Variants in NOS1AP observed in about 807,000 individuals in gnomAD.
The protein encoded by NOS1AP is nitric oxide synthase 1 adaptor protein.
NOS1AP carries 21 observed loss-of-function variants against 56.2 expected under a neutral mutation model. That is an observed-to-expected ratio of 0.37 (90% CI 0.26 to 0.54). The LOEUF (loss-of-function observed/expected upper bound fraction) is 0.54, where lower values mean the gene tolerates loss of function less well. Ranked by LOEUF, NOS1AP falls within the 20% of genes least tolerant of loss-of-function variation. The pLI, the probability that NOS1AP is intolerant of heterozygous loss-of-function variation, is 0.84. For synonymous variants in NOS1AP, 270 were observed against 274.6 expected (o/e 0.98, Z 0.17); for missense variants, 522 against 657.8 (o/e 0.79, Z 2.26).
chr1:162,077,374 A>G (rs1271524365), intron 1 of NOS1AP, among the ~76,000 whole-genome samples: 2 of 151,944 alleles, frequency 1.3e-5, no homozygotes, highest in African/African-American at 4.8e-5. Context: ...CCATCTTTTC[A>G]TGTGTTTTTT....
intron 3 of NOS1AP, among the ~76,000 whole-genome samples, chr1:162,296,467 G>A (rs1446625658): frequency 6.6e-6 from 1 of 152,160 alleles, no homozygotes; most frequent in Non-Finnish European, 1.5e-5. Flanking sequence ...ATTTTAATGA[G>A]CTCTTCAGAA....
intron 4 of NOS1AP, among the ~76,000 whole-genome samples, chr1:162,328,949 T>A (rs570487494): frequency 2.0e-5 from 3 of 152,204 alleles, no homozygotes; most frequent in Non-Finnish European, 4.4e-5. Flanking sequence ...GTTGTTGTTT[T>A]TCTATGATCT....
intron 2 of NOS1AP, among the ~76,000 whole-genome samples, chr1:162,272,344 G>A (rs912466017): frequency 6.6e-6 from 1 of 152,088 alleles, no homozygotes; most frequent in Admixed American, 6.6e-5. Context: ...TGGAGAACAG[G>A]ATGGGAATCC....
chr1:162,307,674 G>C (rs367787108), intron 4 of NOS1AP, among the ~76,000 whole-genome samples: 2 of 152,168 alleles, frequency 1.3e-5, no homozygotes, highest in South Asian at 4.1e-4. Context: ...AGCCAGGCGT[G>C]GTGGTGGGTG....
intron 4 of NOS1AP, among the ~76,000 whole-genome samples, chr1:162,329,131 G>A (rs1656684467): frequency 6.6e-6 from 1 of 152,134 alleles, no homozygotes; most frequent in Non-Finnish European, 1.5e-5. Context: ...GTAAGTCTGT[G>A]GACATATGAT....
At chr1:162,255,490 ATTTTTTTTTTTTTTTTTTTT>A (rs35637289) in intron 2 of NOS1AP, among the ~76,000 whole-genome samples, 22 of 61,004 alleles carry the variant, frequency 3.6e-4, no homozygotes, top group African/African-American at 6.0e-4. Context: ...GCTGCTGCTG[ATTTTTTTTTTTTTTTTTTTT>A]TTTTTTTTTT....
chr1:162,286,804 T>G (rs2101737012), intron 2 of NOS1AP, among the ~76,000 whole-genome samples: 1 of 152,366 alleles, frequency 6.6e-6, no homozygotes, highest in African/African-American at 2.4e-5. Flanking sequence ...TGCCAAAATC[T>G]TCAGGCTAGC....
At chr1:162,183,197 T>C (rs1651320041) in intron 2 of NOS1AP, among the ~76,000 whole-genome samples, 1 of 152,238 alleles carries the variant, frequency 6.6e-6, no homozygotes, top group African/African-American at 2.4e-5. Flanking sequence ...AGATCTTGGG[T>C]AACCAGGTGC....
At chr1:162,096,214 C>G (rs1242378497) in intron 1 of NOS1AP, among the ~76,000 whole-genome samples, 2 of 152,304 alleles carry the variant, frequency 1.3e-5, no homozygotes, top group African/African-American at 4.8e-5. Flanking sequence ...GTTCTTTCCT[C>G]TGCAGTGTCT....
intron 1 of NOS1AP, among the ~76,000 whole-genome samples, chr1:162,099,999 A>C (rs1481963057): frequency 6.6e-6 from 1 of 151,294 alleles, no homozygotes; most frequent in Non-Finnish European, 1.5e-5. Context: ...TCCATGGTGT[A>C]TATGTGCCAC....
At chr1:162,326,073 A>G (rs1656581814) in intron 4 of NOS1AP, among the ~76,000 whole-genome samples, 2 of 152,228 alleles carry the variant, frequency 1.3e-5, no homozygotes, top group Admixed American at 1.3e-4. Context: ...ATCACCCTGA[A>G]AGATGTTTTT....
chr1:162,224,844 A>G lies in NOS1AP; in HGVS notation c.178-62500A>G, dbSNP rs529714339. On this transcript the variant is annotated intron_variant, in intron 2 of 9. Transcript: ENST00000361897. ...GATGTTGTTTCCAGGATGAGACCCC[A>G]TGTCCTGAGGGTCACTGCCTTATCA... Among the ~76,000 whole-genome samples, 13 of 152,264 alleles carry G rather than the reference A, an allele frequency of 8.5e-5. No individual in the cohort carries two copies. In the East Asian group the frequency reaches 2.5e-3, roughly 29 times the overall value.
At chr1:162,181,541 G>C (rs1311494020) in intron 2 of NOS1AP, among the ~76,000 whole-genome samples, 1 of 152,180 alleles carries the variant, frequency 6.6e-6, no homozygotes, top group Non-Finnish European at 1.5e-5. Flanking sequence ...AATTCTGTCA[G>C]CTCTTATTTT....
rs150435684 is a variant in NOS1AP, at chr1:162,277,820, A to C, written c.178-9524A>C. ...CAAGGGATTTAGGGACCACTTCCTT[A>C]TTCTGCTTCTCAGTCTATATAGTGA... On this transcript the variant is annotated intron_variant, in intron 2 of 9. Transcript: ENST00000361897. Among the ~76,000 whole-genome samples, 290 of 152,284 alleles carry C rather than the reference A, an allele frequency of 1.9e-3. 1 individual carries two copies. Among genetic ancestry groups the C allele is most frequent in the African/African-American group, 6.5e-3 (270 of 41,550 alleles).
chr1:162,215,762 G>A (rs1424103070), intron 2 of NOS1AP, among the ~76,000 whole-genome samples: 1 of 152,208 alleles, frequency 6.6e-6, no homozygotes, highest in Non-Finnish European at 1.5e-5. Context: ...TTAGGCTCAA[G>A]CCAGGACTGT....
chr1:162,128,292 A>G (rs1013522703), intron 1 of NOS1AP, among the ~76,000 whole-genome samples: 3 of 152,178 alleles, frequency 2.0e-5, no homozygotes, highest in South Asian at 4.1e-4. Context: ...CCACTAAATG[A>G]AAATACACGT....
chr1:162,204,575 G>C (rs192799687), intron 2 of NOS1AP, among the ~76,000 whole-genome samples: 41 of 152,270 alleles, frequency 2.7e-4, no homozygotes, highest in African/African-American at 8.4e-4. Context: ...CTGGGAAGAG[G>C]GTGTTCTGTG....
intron 1 of NOS1AP, among the ~76,000 whole-genome samples, chr1:162,152,522 G>T (rs1649759506): frequency 6.6e-6 from 1 of 152,244 alleles, no homozygotes; most frequent in Non-Finnish European, 1.5e-5. Flanking sequence ...TACCGCCTCA[G>T]CAGAGCTCAG....
intron 1 of NOS1AP, among the ~76,000 whole-genome samples, chr1:162,114,834 T>C (rs1274885678): frequency 6.6e-6 from 1 of 152,224 alleles, no homozygotes; most frequent in Non-Finnish European, 1.5e-5. Context: ...TGCGTCTATG[T>C]GACCTCTCCC....
Sources: allele counts gnomAD v4.1 joint callset (sites outside exome capture counted in the v4.1 genomes callset), GRCh38; gene constraint gnomAD v4.1.1; transcripts MANE v1.5; gene names NCBI Gene and HGNC (gene_info 2026-07-23, HGNC 2026-07-21).